The following ELAVL1 variants were observed in gnomAD, a reference collection of about 807,000 sequenced individuals.
ELAVL1 encodes the protein ELAV-like protein 1.
A neutral mutation model predicts 28.4 loss-of-function variants in ELAVL1; 1 was observed. The observed-to-expected ratio is 0.04, with a 90% CI of 0.01 to 0.17. ELAVL1 has a LOEUF of 0.17. ELAVL1 is among the 10% of genes least tolerant of loss of function. The probability of loss-of-function intolerance (pLI) is 1.00; values close to 1 mark genes in which losing one functional copy is unlikely to be tolerated. For missense variants in ELAVL1, 157 were observed against 447.2 expected (o/e 0.35, Z 5.85); for synonymous variants, 174 against 183.5 (o/e 0.95, Z 0.42).
intron 4 of ELAVL1, chr19:7,973,132 C>T (rs1347089749): frequency 6.6e-6 from 1 of 151,944 alleles, no homozygotes; most frequent in Non-Finnish European, 1.5e-5. Context: ...CTTTTCACCC[C>T]ATTCATGGGC....
Position 7,982,516 on chromosome 19 carries a change from C to A in ELAVL1, c.173-1330G>T, listed in dbSNP as rs1363268529. On this transcript the variant is annotated intron_variant, in intron 2 of 5. Coordinates refer to ENST00000407627, the MANE Select transcript of ELAVL1 (RefSeq NM_001419.3). The surrounding 1 kb of genome is among the most constrained non-coding windows in gnomAD (Gnocchi z 4.3). The stretch of plus-strand genomic sequence containing the variant: ...GAGCCTAACCCAGGTTTGCCACTTT[C>A]TTTTTAAAATGAATTTTATTTTTCA... Among the ~76,000 whole-genome samples, 1 of 152,190 alleles carries A rather than the reference C, an allele frequency of 6.6e-6. No individual in the cohort carries two copies. The highest frequency in any genetic ancestry group is 1.5e-5 in the Non-Finnish European group (1 of 68,030).
chr19:7,991,942 T>TG, intron 1 of ELAVL1, 111 bp from the exon 2 acceptor site: 1 of 1,044,072 alleles, frequency 9.6e-7, no homozygotes, highest in East Asian at 3.0e-5. Context: ...CTTTTTTTTT[T>TG]TTTTTGTTTT....
chr19:7,998,094 G>A (rs981921073), intron 1 of ELAVL1, among the ~76,000 whole-genome samples: 9 of 152,146 alleles, frequency 5.9e-5, no homozygotes, highest in African/African-American at 1.4e-4. Flanking sequence ...CTAGTAACAC[G>A]GGAGAAACCA....
rs117627387 is a variant in ELAVL1 at position 7,969,686 on chromosome 19, C to T, written c.431-1896G>A. ...AATACGACTGAGAGCTGACGCTGGC[C>T]GGCTCGTAGGGAAGCTGGCTCCAAG... On this transcript the variant is annotated intron_variant, in intron 4 of 5. Coordinates refer to ENST00000407627, the MANE Select transcript of ELAVL1 (RefSeq NM_001419.3). Among the ~76,000 whole-genome samples, 738 of 152,214 alleles carry T rather than the reference C, an allele frequency of 4.8e-3. 7 individuals are homozygous for T. The highest frequency in any genetic ancestry group is 0.025 in the East Asian group (129 of 5,182).
In ELAVL1 at chr19:7,963,859, G is replaced by A. The variant is rs748278554; in HGVS notation, c.657-52C>T. On this transcript the variant is annotated intron_variant, in intron 5 of 5. Coordinates refer to ENST00000407627, the MANE Select transcript of ELAVL1 (RefSeq NM_001419.3). This position sits in a 1 kb window ranked among gnomAD's most constrained non-coding sequence, Gnocchi z 4.5. The stretch of plus-strand genomic sequence containing the variant: ...CCACGGTCAGCGCAGGCGGCCTGGG[G>A]ATGGGGCAAGGCCTGGACGCATGCT... 20 of 1,569,976 alleles carry A rather than the reference G, an allele frequency of 1.3e-5. 2 individuals are homozygous for A. In the South Asian group the frequency reaches 2.0e-4, roughly 16 times the overall value.
intron 1 of ELAVL1, among the ~76,000 whole-genome samples, chr19:7,993,144 T>G (rs1985796623): frequency 1.3e-5 from 2 of 152,236 alleles, no homozygotes; most frequent in Non-Finnish European, 1.5e-5. Context: ...TCCACAATTT[T>G]TCTGTAAACC....
At chr19:7,969,787 G>C (rs557220139) in intron 4 of ELAVL1, among the ~76,000 whole-genome samples, 2 of 152,100 alleles carry the variant, frequency 1.3e-5, no homozygotes, top group Non-Finnish European at 2.9e-5. Context: ...TGGCTTCCTC[G>C]TCTGGGGTTG....
chr19:7,994,565 G>A (rs1028037147), intron 1 of ELAVL1, among the ~76,000 whole-genome samples: 1 of 152,194 alleles, frequency 6.6e-6, no homozygotes, highest in African/African-American at 2.4e-5. Flanking sequence ...AAAAGACACT[G>A]AACTTCATCT....
At chr19:7,978,326 G>A (rs1339323555) in intron 3 of ELAVL1, among the ~76,000 whole-genome samples, 2 of 152,240 alleles carry the variant, frequency 1.3e-5, no homozygotes. Context: ...GACCAAGCAT[G>A]TGACTAGACG....
At chr19:7,976,167 C>T (rs370564414) in intron 3 of ELAVL1, among the ~76,000 whole-genome samples, 51 of 151,074 alleles carry the variant, frequency 3.4e-4, no homozygotes, top group African/African-American at 1.2e-3. Flanking sequence ...CTTTGGGAGG[C>T]CGAGGCGGGT....
At chr19:7,971,009 G>A (rs925904583) in intron 4 of ELAVL1, among the ~76,000 whole-genome samples, 1 of 152,326 alleles carries the variant, frequency 6.6e-6, no homozygotes, top group Admixed American at 6.5e-5. Context: ...ATCCTGGGGT[G>A]GGAAGCAGAG....
chr19:8,002,307 CCA>C lies in ELAVL1; in HGVS notation c.-17+3186_-17+3187del, dbSNP rs1303132792. The C allele has an allele frequency of 3.2e-5, 12 of 376,316 alleles. No individual in the cohort carries two copies. The East Asian group carries it at 5.1e-4, about 16-fold the overall frequency. The allele number at this position is 376,316 out of a possible 1,614,324, so 23.3% of individuals were successfully genotyped here. On this transcript the variant is annotated intron_variant, in intron 1 of 5. Transcript: ENST00000407627. The stretch of plus-strand genomic sequence containing the variant: ...GGAAGCATTCTGGGCTCTCCTGTGC[CCA>C]CCCAGGTCCCTTTTCTGGGCTTCCA...
chr19:7,981,236 G>A lies in ELAVL1; in HGVS notation c.173-50C>T, dbSNP rs1345125999. On this transcript the variant is annotated intron_variant, in intron 2 of 5. Coordinates refer to ENST00000407627, the MANE Select transcript of ELAVL1 (RefSeq NM_001419.3). The surrounding 1 kb of genome is among the most constrained non-coding windows in gnomAD (Gnocchi z 4.2). The stretch of plus-strand genomic sequence containing the variant: ...TGGTAAGCCAACCGTCTGCGAGTGA[G>A]GGACAGGGAGGTCGGGAAGCACTAT... 6.3e-7 allele frequency: 1 copy of A among 1,585,164 alleles called. No homozygotes were observed. Among genetic ancestry groups the A allele is most frequent in the African/African-American group, 1.3e-5 (1 of 74,356 alleles).
chr19:7,991,970 T>C, intron 1 of ELAVL1, 139 bp from the exon 2 acceptor site: 1 of 701,596 alleles, frequency 1.4e-6, no homozygotes, highest in Admixed American at 3.7e-5. Flanking sequence ...AGACAGAGTC[T>C]CACTCTGTCA....
rs779955268 is a variant in ELAVL1, at chr19:7,963,851, G to T, written c.657-44C>A. ...GCGTCAGGCCACGGTCAGCGCAGGC[G>T]GCCTGGGGATGGGGCAAGGCCTGGA... On this transcript the variant is annotated intron_variant, in intron 5 of 5. Transcript: ENST00000407627. The surrounding 1 kb of genome is among the most constrained non-coding windows in gnomAD (Gnocchi z 4.5). 2.3e-5 allele frequency: 37 copies of T among 1,585,192 alleles called. No individual in the cohort carries two copies. Among genetic ancestry groups the T allele is most frequent in the Non-Finnish European group, 3.1e-5 (36 of 1,164,508 alleles).
intron 1 of ELAVL1, among the ~76,000 whole-genome samples, chr19:8,000,490 C>T (rs1166236334): frequency 6.6e-6 from 1 of 152,182 alleles, no homozygotes; most frequent in Non-Finnish European, 1.5e-5. Flanking sequence ...TGAGCCAGAG[C>T]AAAACTAGAA....
intron 2 of ELAVL1, among the ~76,000 whole-genome samples, chr19:7,985,269 T>C (rs985095376): frequency 6.6e-6 from 1 of 152,168 alleles, no homozygotes; most frequent in African/African-American, 2.4e-5. Flanking sequence ...ATGAGGGGCA[T>C]GGGGCTTCCC....
At chr19:7,994,593 A>G (rs961306005) in intron 1 of ELAVL1, among the ~76,000 whole-genome samples, 7 of 152,208 alleles carry the variant, frequency 4.6e-5, no homozygotes, top group African/African-American at 1.4e-4. Context: ...CAATGAGGAA[A>G]ATGCAAAAGA....
chr19:8,002,197 C>T (rs186263820), intron 1 of ELAVL1: 21 of 1,187,356 alleles, frequency 1.8e-5, no homozygotes, highest in East Asian at 5.7e-5. Context: ...TTCCCACCTC[C>T]GGGCTTGGCT....
Sources: gnomAD v4.1 joint callset for allele counts (sites outside exome capture counted in the v4.1 genomes callset) on GRCh38, gnomAD v4.1.1 for gene constraint, Gnocchi (gnomAD v3.1) non-coding constraint, MANE v1.5 for transcripts, NCBI Gene and HGNC (gene_info 2026-07-23, HGNC 2026-07-21) for gene names.